CACNA1C: variants seen among roughly 807,000 people sequenced by gnomAD.
CACNA1C encodes the protein calcium voltage-gated channel subunit alpha1 C.
Under a neutral mutation model 229.0 loss-of-function variants are expected in CACNA1C, and 30 were observed. That is an observed-to-expected ratio of 0.13 (90% CI 0.10 to 0.18). CACNA1C has a LOEUF of 0.18. Ranked by LOEUF, CACNA1C falls within the 10% of genes least tolerant of loss-of-function variation. CACNA1C has a pLI of 1.00. For synonymous variants in CACNA1C, 1,114 were observed against 1,132.5 expected (o/e 0.98, Z 0.33); for missense variants, 1,658 against 2,845.0 (o/e 0.58, Z 9.49).
intron 1 of CACNA1C, among the ~76,000 whole-genome samples, chr12:2,081,365 T>C (rs1194647868): frequency 6.6e-6 from 1 of 151,930 alleles, no homozygotes; most frequent in African/African-American, 2.4e-5. Context: ...GGTCAGGAGA[T>C]CTAGACCATC....
rs2154551612 is a variant in CACNA1C, at chr12:2,403,427, G to T, written c.478-45549G>T. The stretch of plus-strand genomic sequence containing the variant: ...AGGACCCAGGGAGGAGGGTTTAGAA[G>T]TCAAGGAGGAAGCTGCAGGCACGTG... On this transcript the variant is annotated intron_variant, in intron 3 of 46. Coordinates refer to ENST00000399655, the MANE Select transcript of CACNA1C (RefSeq NM_000719.7). This position sits in a 1 kb window ranked among gnomAD's most constrained non-coding sequence, Gnocchi z 4.1. Among the ~76,000 whole-genome samples, 1 of 152,242 alleles carries T rather than the reference G, an allele frequency of 6.6e-6. No individual in the cohort carries two copies. Among genetic ancestry groups the T allele is most frequent in the South Asian group, 2.1e-4 (1 of 4,816 alleles).
chr12:2,255,815 T>A (rs1367428293), intron 3 of CACNA1C, among the ~76,000 whole-genome samples: 1 of 139,900 alleles, frequency 7.1e-6, no homozygotes, highest in Non-Finnish European at 1.6e-5. Context: ...TAGTTTACAA[T>A]CACACGATCC....
chr12:2,399,702 A>G (rs1044855525), intron 3 of CACNA1C, among the ~76,000 whole-genome samples: 2 of 152,218 alleles, frequency 1.3e-5, no homozygotes, highest in Non-Finnish European at 2.9e-5. Context: ...TTTGGGCAGG[A>G]AAACAGGGAT....
At chr12:2,309,477 CCACACACACACACATA>C (rs1853319326) in intron 3 of CACNA1C, among the ~76,000 whole-genome samples, 1 of 150,630 alleles carries the variant, frequency 6.6e-6, no homozygotes, top group South Asian at 2.1e-4. Context: ...GCCTATGACA[CCACACACACACACATA>C]CACACACACA....
chr12:2,580,287 G>C (rs1036400199), intron 13 of CACNA1C, among the ~76,000 whole-genome samples: 2 of 152,220 alleles, frequency 1.3e-5, no homozygotes, highest in African/African-American at 4.8e-5. Flanking sequence ...GAGGCTGCAG[G>C]TTGGTAAAGA....
At chr12:2,582,339 G>C (rs2060835095) in intron 14 of CACNA1C, among the ~76,000 whole-genome samples, 1 of 152,110 alleles carries the variant, frequency 6.6e-6, no homozygotes, top group Non-Finnish European at 1.5e-5. Context: ...TTTTGGCTTA[G>C]GGCAAACTCA....
chr12:2,184,726 G>C (rs921782867), intron 3 of CACNA1C, among the ~76,000 whole-genome samples: 1 of 152,152 alleles, frequency 6.6e-6, no homozygotes, highest in Non-Finnish European at 1.5e-5. Flanking sequence ...CTGGGCTCAC[G>C]GAACTTAGGT....
At chr12:2,417,643 C>T (rs1278681621) in intron 3 of CACNA1C, among the ~76,000 whole-genome samples, 1 of 152,126 alleles carries the variant, frequency 6.6e-6, no homozygotes, top group African/African-American at 2.4e-5. Flanking sequence ...TGCTGTTAAT[C>T]AGAAACATTA....
At chr12:2,437,824 AATGGTGGTGGTAATGATGGTGGTG>A (rs1368038996) in intron 3 of CACNA1C, among the ~76,000 whole-genome samples, 10 of 96,578 alleles carry the variant, frequency 1.0e-4, no homozygotes, top group East Asian at 7.3e-4. Flanking sequence ...TGGTGGTGGT[AATGGTGGTGGTAATGATGGTGGTG>A]ATGATGGTGG....
chr12:2,500,964 T>G (rs1329262831), intron 7 of CACNA1C, among the ~76,000 whole-genome samples: 3 of 151,558 alleles, frequency 2.0e-5, no homozygotes, highest in Non-Finnish European at 4.4e-5. Flanking sequence ...CCCAGCACTT[T>G]GGGAGGCCGA....
intron 3 of CACNA1C, among the ~76,000 whole-genome samples, chr12:2,169,186 T>C (rs1260763317): frequency 2.0e-5 from 3 of 152,200 alleles, no homozygotes; most frequent in Non-Finnish European, 4.4e-5. Flanking sequence ...GTTTTAGGAA[T>C]TGGAGAGGCA....
chr12:2,521,824 A>G (rs2099810563), intron 9 of CACNA1C, among the ~76,000 whole-genome samples: 1 of 152,046 alleles, frequency 6.6e-6, no homozygotes, highest in South Asian at 2.1e-4. Context: ...AACCTGTGTA[A>G]TGCAGCCAAG....
chr12:2,004,484 G>A (rs924485985), intron 1 of CACNA1C: 10 of 1,545,842 alleles, frequency 6.5e-6, no homozygotes, highest in Non-Finnish European at 8.7e-6. Context: ...ACTCTCAATA[G>A]ATCGCAGAAC....
At position 2,059,711 on chromosome 12, in the gene CACNA1C, TG is replaced by T. The variant is rs535783086; in HGVS notation, c.49+6103del. 1.8e-4 allele frequency among the ~76,000 whole-genome samples: 28 copies of T among 152,314 alleles called. 1 individual carries two copies. In the East Asian group the frequency reaches 4.6e-3, roughly 25 times the overall value. ...TACTTTCTAGGATCAGGACATTTTA[TG>T]GGTAAAGGAACCTTAGAGACAATCC... On this transcript the variant is annotated intron_variant, in intron 1 of 46. Coordinates refer to ENST00000399655, the MANE Select transcript of CACNA1C (RefSeq NM_000719.7).
chr12:2,290,935 T>C (rs976190798), intron 3 of CACNA1C, among the ~76,000 whole-genome samples: 1 of 152,168 alleles, frequency 6.6e-6, no homozygotes, highest in African/African-American at 2.4e-5. Flanking sequence ...CTCAAATGTA[T>C]TGTCTGAATC....
Position 2,597,578 on chromosome 12 carries a change from GT to G in CACNA1C, c.2853+292del. On this transcript the variant is annotated intron_variant, in intron 21 of 46. Transcript: ENST00000399655. This position sits in a 1 kb window ranked among gnomAD's most constrained non-coding sequence, Gnocchi z 4.3. Reference sequence around the variant, plus strand: ...TGTGGCTGGATCTTTTGTCTTTTCTGTTTCTTTCACTCTCTCTTTTCTTTAC... The same window carrying G: ...TGTGGCTGGATCTTTTGTCTTTTCTGTTCTTTCACTCTCTCTTTTCTTTAC... 1.0e-6 allele frequency: 1 copy of G among 962,844 alleles called. No individual in the cohort carries two copies. The highest frequency in any genetic ancestry group is 1.7e-6 in the Non-Finnish European group (1 of 600,644). 59.6% of individuals were successfully genotyped at this position (962,844 alleles called of 1,614,324 possible).
intron 38 of CACNA1C, among the ~76,000 whole-genome samples, chr12:2,673,217 T>C (rs554630454): frequency 4.0e-5 from 6 of 151,722 alleles, no homozygotes; most frequent in South Asian, 2.1e-4. Context: ...GGCTCACACA[T>C]GTAATCCCAG....
Position 2,691,049 on chromosome 12 carries a change from C to A in CACNA1C, c.6267C>A (p.Ser2089Arg), listed in dbSNP as rs766626036. 1 of 1,606,038 alleles carries A rather than the reference C, an allele frequency of 6.2e-7. No homozygotes were observed. Among genetic ancestry groups the A allele is most frequent in the Admixed American group, 1.7e-5 (1 of 58,864 alleles). ...DNILSGGAPQ[S>R]PNGALLPFVN... is the part of the protein sequence containing the mutation. ...TCCTCAGCGGGGGCGCCCCACAGAG[C>A]CCCAATGGCGCCCTCTTACCCTTTG... is the stretch of plus-strand genomic sequence containing the variant. Residue 2089 changes from serine to arginine, a missense_variant, in exon 47 of 47, where the codon AGC becomes AGA. Ser to Arg is a moderately radical substitution (Grantham distance 110). Coordinates refer to ENST00000399655, the MANE Select transcript of CACNA1C (RefSeq NM_000719.7).
At chr12:2,073,685 A>G (rs2062146699) in intron 1 of CACNA1C, among the ~76,000 whole-genome samples, 2 of 152,208 alleles carry the variant, frequency 1.3e-5, no homozygotes, top group South Asian at 4.1e-4. Context: ...AAGTATTTGC[A>G]TGTTCAGCCT....
Sources: gnomAD v4.1 joint callset for allele counts (sites outside exome capture counted in the v4.1 genomes callset) on GRCh38, gnomAD v4.1.1 for gene constraint, Gnocchi (gnomAD v3.1) non-coding constraint, MANE v1.5 for transcripts, NCBI Gene and HGNC (gene_info 2026-07-23, HGNC 2026-07-21) for gene names.